The following USP10 variants were observed in gnomAD, a reference collection of about 807,000 sequenced individuals.
The protein encoded by USP10 is ubiquitin carboxyl-terminal hydrolase 10.
Under a neutral mutation model 84.5 loss-of-function variants are expected in USP10, and 22 were observed. The ratio of observed to expected loss-of-function variants is 0.26; its 90% CI spans 0.19 to 0.37. The LOEUF is 0.37. Ranked by LOEUF, USP10 falls within the 10% of genes least tolerant of loss-of-function variation. USP10 has a pLI of 1.00. For missense variants in USP10, 1,019 were observed against 998.9 expected (o/e 1.02, Z -0.27); for synonymous variants, 454 against 387.6 (o/e 1.17, Z -2.01).
intron 10 of USP10, among the ~76,000 whole-genome samples, chr16:84,766,133 GACTGAATCAACA>G (rs1269115973): frequency 7.9e-5 from 12 of 152,190 alleles, no homozygotes; most frequent in Non-Finnish European, 1.5e-5. Flanking sequence ...TCAGTTCTGA[GACTGAATCAACA>G]ACTTTCAACA....
intron 1 of USP10, among the ~76,000 whole-genome samples, chr16:84,705,352 C>G (rs1287963607): frequency 6.6e-6 from 1 of 152,130 alleles, no homozygotes; most frequent in Non-Finnish European, 1.5e-5. Context: ...CTGCCTCAGC[C>G]TCCTGAGTAG....
chr16:84,733,820 A>C (rs187933760), intron 2 of USP10, among the ~76,000 whole-genome samples: 1 of 152,290 alleles, frequency 6.6e-6, no homozygotes, highest in African/African-American at 2.4e-5. Flanking sequence ...ACTGGTTTTC[A>C]CCTTTTATCA....
At chr16:84,738,240 G>GAT (rs1771834372) in intron 2 of USP10, among the ~76,000 whole-genome samples, 1 of 152,170 alleles carries the variant, frequency 6.6e-6, no homozygotes, top group African/African-American at 2.4e-5. Context: ...AGAGAACATT[G>GAT]ATATAATAGT....
chr16:84,719,717 C>A (rs1907538057), intron 1 of USP10, among the ~76,000 whole-genome samples: 1 of 152,166 alleles, frequency 6.6e-6, no homozygotes, highest in African/African-American at 2.4e-5. Context: ...CTGGAGTTAA[C>A]AGTTTTCTAA....
intron 3 of USP10, among the ~76,000 whole-genome samples, chr16:84,742,971 G>A (rs545541338): frequency 6.6e-6 from 1 of 152,158 alleles, no homozygotes; most frequent in Non-Finnish European, 1.5e-5. Flanking sequence ...GACACAACAC[G>A]TTCTAGTTTC....
Position 84,759,484 on chromosome 16 carries a change from G to C in USP10, c.1394+12G>C, listed in dbSNP as rs763644191. ...ATGATAGACAGCTTGTAAGTAAGGTGGTGAAAGATGTGTTAAGTGGTGGGG... is the reference window on the plus strand; with the variant it reads ...ATGATAGACAGCTTGTAAGTAAGGTCGTGAAAGATGTGTTAAGTGGTGGGG... On this transcript the variant is annotated intron_variant, in intron 6 of 13. Coordinates refer to ENST00000219473, the MANE Select transcript of USP10 (RefSeq NM_005153.3). The C allele has an allele frequency of 6.2e-7, 1 of 1,609,598 alleles. No individual in the cohort carries two copies. Among genetic ancestry groups the C allele is most frequent in the South Asian group, 1.1e-5 (1 of 90,988 alleles).
intron 2 of USP10, among the ~76,000 whole-genome samples, chr16:84,733,757 C>G (rs781605024): frequency 3.3e-5 from 5 of 152,144 alleles, no homozygotes; most frequent in Non-Finnish European, 5.9e-5. Context: ...GACCTCTCTC[C>G]CATCTCTCCC....
chr16:84,774,384 A>G (rs753996484), intron 12 of USP10, among the ~76,000 whole-genome samples: 3 of 152,100 alleles, frequency 2.0e-5, no homozygotes, highest in Non-Finnish European at 2.9e-5. Flanking sequence ...GCACAGTAAG[A>G]GCAGGGAGTT....
chr16:84,755,642 A>G (rs565709130), intron 4 of USP10, among the ~76,000 whole-genome samples: 35 of 152,088 alleles, frequency 2.3e-4, no homozygotes, highest in South Asian at 2.3e-3. Context: ...TCTTTAAAAT[A>G]ATAATTATGA....
chr16:84,750,628 A>C (rs80310873), intron 4 of USP10, among the ~76,000 whole-genome samples: 1 of 152,198 alleles, frequency 6.6e-6, no homozygotes, highest in Non-Finnish European at 1.5e-5. Context: ...ACTAAGGAAC[A>C]TTCCTCATAT....
At position 84,759,965 on chromosome 16, in the gene USP10, T is replaced by C. The variant is rs768381866; in HGVS notation, c.1450+19T>C. On this transcript the variant is annotated intron_variant, in intron 7 of 13. Coordinates refer to ENST00000219473, the MANE Select transcript of USP10 (RefSeq NM_005153.3). ...CGACAAGGTTAGTAAAAATGAGTTTTGTTGATGCTATTACATATTGGGAGT... is the reference window on the plus strand; with the variant it reads ...CGACAAGGTTAGTAAAAATGAGTTTCGTTGATGCTATTACATATTGGGAGT... 6.2e-7 allele frequency: 1 copy of C among 1,613,288 alleles called. No homozygotes were observed. Among genetic ancestry groups the C allele is most frequent in the East Asian group, 2.2e-5 (1 of 44,882 alleles).
At chr16:84,756,609 T>C (rs1280722054) in intron 4 of USP10, among the ~76,000 whole-genome samples, 2 of 152,090 alleles carry the variant, frequency 1.3e-5, no homozygotes, top group African/African-American at 4.8e-5. Context: ...CAAAGGTTTC[T>C]ATGTTAGAAA....
chr16:84,747,365 TA>T (rs2150826928), intron 4 of USP10, among the ~76,000 whole-genome samples: 1 of 152,258 alleles, frequency 6.6e-6, no homozygotes, highest in African/African-American at 2.4e-5. Flanking sequence ...GTGTAAAAAA[TA>T]AAACACATTC....
At chr16:84,747,860 C>CTCAGG (rs1293370205) in intron 4 of USP10, among the ~76,000 whole-genome samples, 1 of 152,008 alleles carries the variant, frequency 6.6e-6, no homozygotes, top group Non-Finnish European at 1.5e-5. Flanking sequence ...GGCCACCGCA[C>CTCAGG]TCAGGCCAGG....
chr16:84,701,295 C>G (rs1458150060), intron 1 of USP10, among the ~76,000 whole-genome samples: 3 of 152,270 alleles, frequency 2.0e-5, no homozygotes, highest in Non-Finnish European at 2.9e-5. Flanking sequence ...GTTAAATTAG[C>G]TGTAGTTTAG....
rs1203858673 is a variant in USP10 at position 84,758,819 on chromosome 16, G to A, written c.1284+12G>A. On this transcript the variant is annotated intron_variant, in intron 5 of 13. Coordinates refer to ENST00000219473, the MANE Select transcript of USP10 (RefSeq NM_005153.3). ...GCTACATTAATGCTGTATCCTTCCT[G>A]GACGCCGTCCGCAAGGCCAGCTTGT... 1.2e-6 allele frequency: 2 copies of A among 1,604,824 alleles called. No homozygotes were observed. Among genetic ancestry groups the A allele is most frequent in the South Asian group, 1.1e-5 (1 of 90,836 alleles).
chr16:84,728,618 C>A (rs548621349), intron 1 of USP10, among the ~76,000 whole-genome samples: 1 of 152,016 alleles, frequency 6.6e-6, no homozygotes, highest in Admixed American at 6.6e-5. Flanking sequence ...CGTGAGCCAC[C>A]GTGTCCGGCC....
chr16:84,754,210 C>G (rs1323237382), intron 4 of USP10, among the ~76,000 whole-genome samples: 1 of 152,072 alleles, frequency 6.6e-6, no homozygotes, highest in East Asian at 1.9e-4. Flanking sequence ...CGGTCTTACT[C>G]TGAGATTAGG....
intron 11 of USP10, among the ~76,000 whole-genome samples, chr16:84,770,264 T>G (rs1454043384): frequency 6.6e-6 from 1 of 152,164 alleles, no homozygotes; most frequent in Admixed American, 6.5e-5. Context: ...TCAGGAAGAT[T>G]TGGGACAGCT....
Sources: allele counts gnomAD v4.1 joint callset (sites outside exome capture counted in the v4.1 genomes callset), GRCh38; gene constraint gnomAD v4.1.1; transcripts MANE v1.5; gene names NCBI Gene and HGNC (gene_info 2026-07-23, HGNC 2026-07-21).